Variants in MITF observed in about 807,000 individuals in gnomAD.
MITF encodes the protein microphthalmia-associated transcription factor.
MITF carries 17 observed loss-of-function variants against 60.5 expected under a neutral mutation model. That is an observed-to-expected ratio of 0.28 (90% CI 0.19 to 0.42). The LOEUF (loss-of-function observed/expected upper bound fraction) is 0.42, where lower values mean the gene tolerates loss of function less well. MITF is among the 10% of genes least tolerant of loss of function. MITF has a pLI of 1.00. For synonymous variants in MITF, 260 were observed against 248.5 expected (o/e 1.05, Z -0.43); for missense variants, 622 against 683.5 (o/e 0.91, Z 1.00).
At chr3:69,829,279 T>A (rs901013058) in intron 1 of MITF, among the ~76,000 whole-genome samples, 2 of 152,220 alleles carry the variant, frequency 1.3e-5, no homozygotes, top group Non-Finnish European at 2.9e-5. Flanking sequence ...TTAGAAGCAT[T>A]GATGAGGAAC....
At chr3:69,956,737 G>A (rs188572330) in intron 8 of MITF, among the ~76,000 whole-genome samples, 95 of 152,256 alleles carry the variant, frequency 6.2e-4, no homozygotes, top group Non-Finnish European at 1.2e-3. Context: ...TTGTGCAAAA[G>A]GATTGTTGGA....
chr3:69,764,787 C>G (rs1408777363), intron 1 of MITF, among the ~76,000 whole-genome samples: 1 of 152,180 alleles, frequency 6.6e-6, no homozygotes, highest in African/African-American at 2.4e-5. Flanking sequence ...TTGTTCAGAG[C>G]CTTTGCTCCT....
At chr3:69,757,843 A>G (rs1412422540) in intron 1 of MITF, among the ~76,000 whole-genome samples, 1 of 151,772 alleles carries the variant, frequency 6.6e-6, no homozygotes, top group African/African-American at 2.4e-5. Context: ...TGTTGAGCTG[A>G]GGATAATGGG....
At chr3:69,823,750 A>T (rs2063312955) in intron 1 of MITF, among the ~76,000 whole-genome samples, 1 of 152,176 alleles carries the variant, frequency 6.6e-6, no homozygotes, top group Non-Finnish European at 1.5e-5. Context: ...TTACAGACAA[A>T]TGTTTGCTTG....
chr3:69,895,895 A>G (rs1488055677), intron 2 of MITF, among the ~76,000 whole-genome samples: 1 of 141,226 alleles, frequency 7.1e-6, no homozygotes, highest in Admixed American at 7.4e-5. Flanking sequence ...TTCCATTTTC[A>G]CTGATCTTTC....
At chr3:69,764,232 A>C (rs2062255847) in intron 1 of MITF, among the ~76,000 whole-genome samples, 1 of 152,232 alleles carries the variant, frequency 6.6e-6, no homozygotes, top group Non-Finnish European at 1.5e-5. Flanking sequence ...ATTCACTGCA[A>C]AGTGCATTAA....
At chr3:69,958,864 G>A (rs1349180687) in intron 8 of MITF, among the ~76,000 whole-genome samples, 1 of 152,128 alleles carries the variant, frequency 6.6e-6, no homozygotes, top group Admixed American at 6.6e-5. Context: ...GGTTAAGTAA[G>A]ACAATGTGTA....
At chr3:69,770,615 G>A (rs914477055) in intron 1 of MITF, among the ~76,000 whole-genome samples, 1 of 152,178 alleles carries the variant, frequency 6.6e-6, no homozygotes, top group African/African-American at 2.4e-5. Context: ...ACTGTGTATT[G>A]ACTGTGCAAA....
chr3:69,881,294 A>G (rs1191989596), intron 2 of MITF, among the ~76,000 whole-genome samples: 1 of 152,098 alleles, frequency 6.6e-6, no homozygotes, highest in East Asian at 1.9e-4. Context: ...CACTCTGAAT[A>G]TAGTTCCTGT....
At chr3:69,917,377 T>G (rs2065358406) in intron 2 of MITF, among the ~76,000 whole-genome samples, 2 of 43,476 alleles carry the variant, frequency 4.6e-5, no homozygotes, top group African/African-American at 2.0e-4. Context: ...AGTTGCCTCC[T>G]TTTTTTTTTT....
intron 1 of MITF, among the ~76,000 whole-genome samples, chr3:69,846,816 CA>C (rs375853591): frequency 0.31 from 30,645 of 100,268 alleles, 3,602 homozygotes; most frequent in Middle Eastern, 0.39. Flanking sequence ...GACTCTTTCT[CA>C]AAAAAAAAAA....
intron 1 of MITF, among the ~76,000 whole-genome samples, chr3:69,745,981 C>T (rs1211759274): frequency 1.3e-5 from 2 of 152,182 alleles, no homozygotes; most frequent in Non-Finnish European, 2.9e-5. Context: ...AGTTTTTACC[C>T]TTCTCTTAAG....
intron 1 of MITF, among the ~76,000 whole-genome samples, chr3:69,795,112 A>G (rs1390986649): frequency 6.6e-6 from 1 of 152,156 alleles, no homozygotes; most frequent in Non-Finnish European, 1.5e-5. Flanking sequence ...TTTTGGGTAA[A>G]TACCTGGGAG....
intron 1 of MITF, among the ~76,000 whole-genome samples, chr3:69,852,273 T>C (rs992432656): frequency 6.6e-6 from 1 of 152,196 alleles, no homozygotes; most frequent in Non-Finnish European, 1.5e-5. Flanking sequence ...ACCAGATAGC[T>C]AGCACCCAAT....
At chr3:69,829,483 A>G (rs1473150501) in intron 1 of MITF, among the ~76,000 whole-genome samples, 1 of 152,162 alleles carries the variant, frequency 6.6e-6, no homozygotes, top group African/African-American at 2.4e-5. Flanking sequence ...TTCTAGATTG[A>G]TTCAGAAAAA....
chr3:69,772,279 T>C (rs1350666515), intron 1 of MITF, among the ~76,000 whole-genome samples: 1 of 152,234 alleles, frequency 6.6e-6, no homozygotes, highest in East Asian at 1.9e-4. Flanking sequence ...TATCTTCCTT[T>C]ATATATCTGT....
chr3:69,865,316 A>T (rs1377724862), intron 1 of MITF, among the ~76,000 whole-genome samples: 1 of 152,202 alleles, frequency 6.6e-6, no homozygotes, highest in Non-Finnish European at 1.5e-5. Flanking sequence ...TGCCCAGTGT[A>T]TGCAGCTAGT....
chr3:69,936,588 T>C, intron 2 of MITF: 1 of 1,528,334 alleles, frequency 6.5e-7, no homozygotes. Flanking sequence ...GTGATAAAGT[T>C]TCCGGTGGTG....
intron 6 of MITF, 34 bp downstream of exon 6, chr3:69,949,202 AT>A: frequency 5.6e-6 from 8 of 1,440,804 alleles, no homozygotes; most frequent in Non-Finnish European, 6.9e-6. Flanking sequence ...CTTACTGCAG[AT>A]TTCTGTCCAT....
Sources: gnomAD v4.1 joint callset for allele counts (sites outside exome capture counted in the v4.1 genomes callset) on GRCh38, gnomAD v4.1.1 for gene constraint, MANE v1.5 for transcripts, NCBI Gene and HGNC (gene_info 2026-07-23, HGNC 2026-07-21) for gene names.